Variants in RELN observed in about 807,000 individuals in gnomAD.
The protein encoded by RELN is reelin.
A neutral mutation model predicts 427.6 loss-of-function variants in RELN; 108 were observed. The observed-to-expected ratio is 0.25, with a 90% CI of 0.22 to 0.30. RELN has a LOEUF of 0.30. Among genes scored for constraint, RELN ranks in the 10% least tolerant of loss-of-function variants. The pLI is 1.00. For missense variants in RELN, 3,715 were observed against 4,302.8 expected, an observed-to-expected ratio of 0.86 and a Z score of 3.82; for synonymous variants, 1,524 against 1,513.4, an observed-to-expected ratio of 1.01 and a Z score of -0.16.
chr7:103,824,846 C>T lies in RELN; in HGVS notation c.473+8691G>A, dbSNP rs2116382367. 6.6e-6 allele frequency among the ~76,000 whole-genome samples: 1 copy of T among 152,112 alleles called. No homozygotes were observed. Among genetic ancestry groups the T allele is most frequent in the Non-Finnish European group, 1.5e-5 (1 of 67,978 alleles). ...ATGTCACTTAATATTCCAAGCATCT[C>T]TCATTGCTATACTATCTTCATAAAT... On this transcript the variant is annotated intron_variant, in intron 3 of 64. Transcript: ENST00000428762. This position sits in a 1 kb window ranked among gnomAD's most constrained non-coding sequence, Gnocchi z 4.4.
At chr7:103,775,334 G>A (rs575980452) in intron 4 of RELN, among the ~76,000 whole-genome samples, 3 of 152,238 alleles carry the variant, frequency 2.0e-5, no homozygotes, top group South Asian at 4.1e-4. Context: ...TAATATGTTT[G>A]AAACTATAAC....
chr7:103,731,554 A>G (rs1201306284), intron 6 of RELN, among the ~76,000 whole-genome samples: 2 of 152,134 alleles, frequency 1.3e-5, no homozygotes, highest in Non-Finnish European at 2.9e-5. Context: ...ATTACTGTCC[A>G]AGGTTACACA....
At chr7:103,540,850 T>C (rs1405402747) in intron 43 of RELN, among the ~76,000 whole-genome samples, 1 of 152,204 alleles carries the variant, frequency 6.6e-6, no homozygotes, top group African/African-American at 2.4e-5. Flanking sequence ...AACTGAAAGT[T>C]TGAAACGGGA....
intron 1 of RELN, among the ~76,000 whole-genome samples, chr7:103,940,038 G>T (rs1329807525): frequency 6.6e-6 from 1 of 152,072 alleles, no homozygotes; most frequent in Non-Finnish European, 1.5e-5. Flanking sequence ...CTATATCCAT[G>T]ATATACATTA....
chr7:103,906,576 G>A (rs1275511474), intron 2 of RELN, among the ~76,000 whole-genome samples: 3 of 152,056 alleles, frequency 2.0e-5, no homozygotes, highest in Admixed American at 6.6e-5. Flanking sequence ...ATTCCTCTGA[G>A]CCGTTATAGA....
At chr7:103,862,627 C>T (rs562076647) in intron 2 of RELN, among the ~76,000 whole-genome samples, 2 of 152,044 alleles carry the variant, frequency 1.3e-5, no homozygotes, top group African/African-American at 4.8e-5. Flanking sequence ...CTCGTATCTC[C>T]AGTGCATGTC....
chr7:103,672,399 T>C (rs928025043), intron 11 of RELN, among the ~76,000 whole-genome samples: 2 of 152,198 alleles, frequency 1.3e-5, no homozygotes, highest in African/African-American at 4.8e-5. Flanking sequence ...TCAGGACTTC[T>C]ATGAAGGAGC....
chr7:103,663,595 C>G (rs963874445), intron 11 of RELN, among the ~76,000 whole-genome samples: 1 of 152,176 alleles, frequency 6.6e-6, no homozygotes, highest in Non-Finnish European at 1.5e-5. Flanking sequence ...GGTCTGACCA[C>G]CACTTCCACT....
Position 103,872,030 on chromosome 7 carries a change from A to ATATT in RELN, c.338-38359_338-38358insAATA, listed in dbSNP as rs773045936. 2.7e-3 allele frequency among the ~76,000 whole-genome samples: 376 copies of ATATT among 138,446 alleles called. 7 individuals are homozygous for ATATT. The East Asian group carries it at 0.031, about 11-fold the overall frequency. The allele number at this position is 138,446 out of a possible 152,430, so 90.8% of individuals were successfully genotyped here. On this transcript the variant is annotated intron_variant, in intron 2 of 64. Transcript: ENST00000428762. ...AGTATATGAATATATATATATATAT[A>ATATT]TTTTTCTTTTTTCTTTTTTTTCTTT...
At chr7:103,702,791 C>T in intron 8 of RELN, among the ~76,000 whole-genome samples, 1 of 152,196 alleles carries the variant, frequency 6.6e-6, no homozygotes, top group East Asian at 1.9e-4. Flanking sequence ...AGTGATTAGT[C>T]AGTCTCCCTG....
At chr7:103,753,247 G>C (rs1291672010) in intron 4 of RELN, 33 bp from the exon 5 acceptor site, 6 of 1,612,614 alleles carry the variant, frequency 3.7e-6, no homozygotes, top group Non-Finnish European at 5.1e-6. Context: ...AAAGACAACT[G>C]ATCAGGAATG....
chr7:103,909,992 T>C (rs1393501612), intron 2 of RELN, among the ~76,000 whole-genome samples: 1 of 140,866 alleles, frequency 7.1e-6, no homozygotes, highest in African/African-American at 2.7e-5. Flanking sequence ...AATCTGTAAA[T>C]TACCTTGGGC....
chr7:103,802,015 C>T lies in RELN; in HGVS notation c.474-25388G>A, dbSNP rs568776808. On this transcript the variant is annotated intron_variant, in intron 3 of 64. Transcript: ENST00000428762. The stretch of plus-strand genomic sequence containing the variant: ...CATATTTCTGGGGCTTGGCATAATT[C>T]GTGGCACATAGTTAAGTGTCAGTAT... Among the ~76,000 whole-genome samples the T allele has an allele frequency of 1.4e-3, 215 of 152,206 alleles. 1 individual carries two copies. The highest frequency in any genetic ancestry group is 4.9e-3 in the African/African-American group (205 of 41,546).
chr7:103,493,159 G>T (rs1828723674), intron 57 of RELN, among the ~76,000 whole-genome samples: 1 of 152,172 alleles, frequency 6.6e-6, no homozygotes, highest in Non-Finnish European at 1.5e-5. Context: ...GAGAGAGAGA[G>T]ATTGGGAGTG....
At chr7:103,963,130 CCTT>C (rs1796594567) in intron 1 of RELN, among the ~76,000 whole-genome samples, 1 of 57,688 alleles carries the variant, frequency 1.7e-5, no homozygotes, top group Non-Finnish European at 3.4e-5. Context: ...CCTCTTTTCG[CCTT>C]CTTTTTTTTT....
intron 4 of RELN, among the ~76,000 whole-genome samples, chr7:103,774,866 C>A (rs1233694478): frequency 6.6e-6 from 1 of 152,094 alleles, no homozygotes; most frequent in Non-Finnish European, 1.5e-5. Context: ...TGGTCCTGGG[C>A]TGTACAGCAT....
intron 28 of RELN, among the ~76,000 whole-genome samples, chr7:103,584,590 A>G (rs953345099): frequency 1.3e-5 from 2 of 152,234 alleles, no homozygotes; most frequent in African/African-American, 4.8e-5. Flanking sequence ...CTAAGAAAAA[A>G]GACAGACAGC....
At chr7:103,551,788 CCTG>C (rs1830416168) in intron 40 of RELN, among the ~76,000 whole-genome samples, 1 of 152,002 alleles carries the variant, frequency 6.6e-6, no homozygotes, top group South Asian at 2.1e-4. Context: ...TCATCATTTC[CCTG>C]GCACAGGGAA....
chr7:103,553,964 T>C (rs1830470283), intron 38 of RELN, 133 bp from the exon 39 acceptor site: 11 of 752,652 alleles, frequency 1.5e-5, no homozygotes, highest in Non-Finnish European at 2.3e-5. Context: ...TACAGGAGGA[T>C]TGTTTGAGCC....
Sources: gnomAD v4.1 joint callset for allele counts (sites outside exome capture counted in the v4.1 genomes callset) on GRCh38, gnomAD v4.1.1 for gene constraint, Gnocchi (gnomAD v3.1) non-coding constraint, MANE v1.5 for transcripts, NCBI Gene and HGNC (gene_info 2026-07-23, HGNC 2026-07-21) for gene names.